The following BHMT2 variants were observed in gnomAD, a reference collection of about 807,000 sequenced individuals.
BHMT2 encodes S-methylmethionine--homocysteine S-methyltransferase BHMT2.
In BHMT2, 28 loss-of-function variants were observed where a neutral mutation model predicts 39.0. The ratio of observed to expected loss-of-function variants is 0.72; its 90% CI spans 0.53 to 0.98. The LOEUF (loss-of-function observed/expected upper bound fraction) is 0.98. BHMT2 is among the 50% of genes least tolerant of loss of function. BHMT2 has a pLI of 0.00. For synonymous variants in BHMT2, 145 were observed against 160.6 expected, an observed-to-expected ratio of 0.90 and a Z score of 0.74; for missense variants, 410 against 455.6, an observed-to-expected ratio of 0.90 and a Z score of 0.91.
intron 7 of BHMT2, among the ~76,000 whole-genome samples, chr5:79,085,746 A>C (rs762168115): frequency 6.6e-5 from 10 of 152,124 alleles, no homozygotes; most frequent in Non-Finnish European, 1.2e-4. Flanking sequence ...TTCATGTCAA[A>C]TCAAAACTCA....
chr5:79,083,772 G>T lies in BHMT2; in HGVS notation c.926G>T (p.Arg309Met), dbSNP rs1195339699. Residue 309 changes from arginine to methionine, a missense_variant, in exon 7 of 8, where the codon AGG becomes ATG. Coordinates refer to ENST00000255192, the MANE Select transcript of BHMT2 (RefSeq NM_017614.5). ...RAIAEELAPE[R>M]GFLPPASEKH... Reference sequence around the variant, plus strand: ...ATTGCAGAGGAGCTGGCCCCAGAAAGGGGCTTTTTGCCACCAGCTTCAGAA... The same window carrying T: ...ATTGCAGAGGAGCTGGCCCCAGAAATGGGCTTTTTGCCACCAGCTTCAGAA... 1.7e-5 allele frequency: 28 copies of T among 1,614,094 alleles called. No individual in the cohort carries two copies. The highest frequency in any genetic ancestry group is 3.3e-5 in the Admixed American group (2 of 60,018).
intron 2 of BHMT2, chr5:79,078,273 A>AAC (rs1230950068): frequency 2.0e-5 from 3 of 152,108 alleles, no homozygotes; most frequent in African/African-American, 7.2e-5. Flanking sequence ...TGGGAAAAAA[A>AAC]AAAAAAAAAA....
intron 7 of BHMT2, among the ~76,000 whole-genome samples, chr5:79,086,860 A>G (rs1031382644): frequency 2.2e-4 from 34 of 151,722 alleles, no homozygotes; most frequent in African/African-American, 7.7e-4. Context: ...TGTTACAGTA[A>G]GTCACTTTAT....
chr5:79,089,927 C>T lies in BHMT2; in HGVS notation c.*1353C>T, dbSNP rs1408300846. 1.3e-5 allele frequency among the ~76,000 whole-genome samples: 2 copies of T among 152,186 alleles called. No individual in the cohort carries two copies. The highest frequency in any genetic ancestry group is 6.5e-5 in the Admixed American group (1 of 15,288). ...AGGTTGCAGTGAGCTGAGATCGCCCCACTGCAATCCAGCCTGGGAGACATA... is the reference window on the plus strand; with the variant it reads ...AGGTTGCAGTGAGCTGAGATCGCCCTACTGCAATCCAGCCTGGGAGACATA... On this transcript the variant is annotated 3_prime_UTR_variant, in exon 8 of 8. Transcript: ENST00000255192.
chr5:79,074,779 G>A (rs1160424078), intron 1 of BHMT2, among the ~76,000 whole-genome samples: 1 of 152,198 alleles, frequency 6.6e-6, no homozygotes, highest in African/African-American at 2.4e-5. Context: ...ATTCACTGAT[G>A]ATACTTCCTG....
At chr5:79,071,537 T>C (rs1289314842) in intron 1 of BHMT2, among the ~76,000 whole-genome samples, 1 of 152,204 alleles carries the variant, frequency 6.6e-6, no homozygotes, top group Non-Finnish European at 1.5e-5. Flanking sequence ...AAAATATAAA[T>C]GTACTGCAAA....
intron 6 of BHMT2, 34 bp from the exon 7 acceptor site, chr5:79,083,594 A>T (rs377115935): frequency 1.6e-4 from 258 of 1,607,070 alleles, no homozygotes; most frequent in Admixed American, 2.5e-4. Flanking sequence ...AAATGAGAAC[A>T]GTAACAGAAA....
At chr5:79,083,005 A>G in intron 5 of BHMT2, 49 bp downstream of exon 5, 1 of 1,609,488 alleles carries the variant, frequency 6.2e-7, no homozygotes, top group Non-Finnish European at 8.5e-7. Context: ...TGCTTACGAA[A>G]TTTAACAAAG....
intron 6 of BHMT2, 81 bp from the exon 7 acceptor site, chr5:79,083,547 A>G: frequency 2.0e-6 from 3 of 1,537,024 alleles, no homozygotes; most frequent in Middle Eastern, 1.8e-4. Flanking sequence ...AGTTTTTTTA[A>G]TTGGAAAAAC....
In BHMT2 at chr5:79,088,657, T is replaced by C. The variant is rs774832651; in HGVS notation, c.*83T>C. On this transcript the variant is annotated 3_prime_UTR_variant, in exon 8 of 8. Transcript: ENST00000255192. ...GACCTGGAACCGTTCCTCACCTTCA[T>C]CCTCACCATGCCCTGCTATCTCCAG... 9 of 1,069,066 alleles carry C rather than the reference T, an allele frequency of 8.4e-6. No homozygotes were observed. The highest frequency in any genetic ancestry group is 1.1e-5 in the Non-Finnish European group (8 of 707,258). The allele number at this position is 1,069,066 out of a possible 1,614,324, so 66.2% of individuals were successfully genotyped here. A position where few individuals can be genotyped will look rare whatever the true frequency, so the allele number is the denominator to read the frequency against.
chr5:79,077,732 C>A, intron 2 of BHMT2, 120 bp downstream of exon 2: 1 of 1,255,600 alleles, frequency 8.0e-7, no homozygotes, highest in Non-Finnish European at 1.1e-6. Flanking sequence ...GCTAAGATTG[C>A]CAAGATGTGG....
In BHMT2 at chr5:79,083,836, C is replaced by A; in HGVS notation, c.990C>A (p.Thr330=). The A allele has an allele frequency of 6.2e-7, 1 of 1,613,934 alleles. No homozygotes were observed. Among genetic ancestry groups the A allele is most frequent in the Non-Finnish European group, 8.5e-7 (1 of 1,179,902 alleles). Residue 330 remains threonine, a synonymous_variant, in exon 7 of 8, where the codon ACC becomes ACA. Transcript: ENST00000255192. Reference sequence around the variant, plus strand: ...GGGGAAGTGGTTTGGACATGCACACCAAACCCTGGATTAGAGCAAGGTAAG... The same window carrying A: ...GGGGAAGTGGTTTGGACATGCACACAAAACCCTGGATTAGAGCAAGGTAAG... ...GSWGSGLDMH[T]KPWIRARARR... is the part of the protein sequence containing the mutation.
intron 7 of BHMT2, among the ~76,000 whole-genome samples, 169 bp downstream of exon 7, chr5:79,084,025 A>G (rs1000287640): frequency 1.3e-5 from 2 of 152,176 alleles, no homozygotes; most frequent in Non-Finnish European, 2.9e-5. Flanking sequence ...TCTTTAGTCC[A>G]TTTGGGCTGT....
chr5:79,085,319 TG>T (rs1755872595), intron 7 of BHMT2, among the ~76,000 whole-genome samples: 1 of 152,258 alleles, frequency 6.6e-6, no homozygotes, highest in Admixed American at 6.5e-5. Context: ...AGAACTTCTC[TG>T]GGTGCTCTTA....
At chr5:79,071,016 T>G (rs762046671) in intron 1 of BHMT2, 1 of 152,250 alleles carries the variant, frequency 6.6e-6, no homozygotes, top group Non-Finnish European at 1.5e-5. Flanking sequence ...CTTTTTTCTC[T>G]CAACTTTCTC....
intron 7 of BHMT2, among the ~76,000 whole-genome samples, chr5:79,087,014 G>GTGTGTATATATA (rs1329456863): frequency 8.5e-6 from 1 of 118,324 alleles, no homozygotes; most frequent in African/African-American, 3.2e-5. Context: ...GTGTGTGTGT[G>GTGTGTATATATA]TATATATATA....
rs754237395 is a variant in BHMT2, at chr5:79,082,877, A to G, written c.519A>G (p.Ala173=). The change falls in exon 5 of 8, where the codon GCA becomes GCG. Residue 173 remains alanine (A), a synonymous_variant. Transcript: ENST00000255192. ...EVLKESDRPV[A]VTMCIGPEGD... ...TAAAAGAATCAGATAGACCCGTGGCAGTTACCATGTGCATAGGCCCAGAGG... is the reference window on the plus strand; with the variant it reads ...TAAAAGAATCAGATAGACCCGTGGCGGTTACCATGTGCATAGGCCCAGAGG... 2 of 1,614,208 alleles carry G rather than the reference A, an allele frequency of 1.2e-6. No individual in the cohort carries two copies. Among genetic ancestry groups the G allele is most frequent in the Non-Finnish European group, 1.7e-6 (2 of 1,180,042 alleles).
At chr5:79,076,204 C>G (rs1441818674) in intron 1 of BHMT2, among the ~76,000 whole-genome samples, 1 of 152,180 alleles carries the variant, frequency 6.6e-6, no homozygotes, top group Non-Finnish European at 1.5e-5. Context: ...GCTCAGCAGC[C>G]AGACTCTCCT....
intron 2 of BHMT2, 133 bp from the exon 3 acceptor site, chr5:79,079,236 A>G: frequency 1.6e-6 from 1 of 619,322 alleles, no homozygotes; most frequent in Non-Finnish European, 2.8e-6. Flanking sequence ...ATTTTTTGTT[A>G]CTACTAGGTT....
Sources: allele counts gnomAD v4.1 joint callset (sites outside exome capture counted in the v4.1 genomes callset), GRCh38; gene constraint gnomAD v4.1.1; transcripts MANE v1.5; gene names NCBI Gene and HGNC (gene_info 2026-07-23, HGNC 2026-07-21).